Variants in ZSWIM6 observed in about 807,000 individuals in gnomAD.
ZSWIM6 encodes the protein zinc finger SWIM domain-containing protein 6.
A neutral mutation model predicts 113.2 loss-of-function variants in ZSWIM6; 9 were observed. The observed-to-expected ratio is 0.08, with a 90% confidence interval of 0.05 to 0.14. The LOEUF is 0.14. Among genes scored for constraint, ZSWIM6 ranks in the 10% least tolerant of loss-of-function variants. The pLI is 1.00. For synonymous variants in ZSWIM6, 611 were observed against 606.5 expected, an observed-to-expected ratio of 1.01 and a Z score of -0.11; for missense variants, 1,162 against 1,552.2, an observed-to-expected ratio of 0.75 and a Z score of 4.22.
At chr5:61,442,868 ATTG>A (rs1223752957) in intron 1 of ZSWIM6, among the ~76,000 whole-genome samples, 1 of 152,248 alleles carries the variant, frequency 6.6e-6, no homozygotes, top group Non-Finnish European at 1.5e-5. Context: ...ACTCTACTCC[ATTG>A]TTTAAGGCTA....
At chr5:61,355,437 C>CAA (rs1366047953) in intron 1 of ZSWIM6, among the ~76,000 whole-genome samples, 546 of 5,084 alleles carry the variant, frequency 0.11, 4 homozygotes, top group Middle Eastern at 0.17. Context: ...TTAAAACACA[C>CAA]ACACACACAC....
At chr5:61,361,081 G>A (rs574672312) in intron 1 of ZSWIM6, among the ~76,000 whole-genome samples, 186 of 152,168 alleles carry the variant, frequency 1.2e-3, no homozygotes, top group Middle Eastern at 3.4e-3. Flanking sequence ...GGGGAGGGGG[G>A]TAAAGTCACA....
intron 5 of ZSWIM6, among the ~76,000 whole-genome samples, chr5:61,521,995 A>G (rs1229498780): frequency 6.6e-6 from 1 of 151,896 alleles, no homozygotes; most frequent in African/African-American, 2.4e-5. Flanking sequence ...CACCTGCTGT[A>G]GGCTAATAGT....
At chr5:61,333,423 C>T (rs1260440260) in intron 1 of ZSWIM6, among the ~76,000 whole-genome samples, 1 of 151,856 alleles carries the variant, frequency 6.6e-6, no homozygotes, top group African/African-American at 2.4e-5. Flanking sequence ...CTCCCACTGC[C>T]TGTCGCTCGC....
chr5:61,476,668 T>C (rs1490848731), intron 2 of ZSWIM6, among the ~76,000 whole-genome samples: 1 of 152,222 alleles, frequency 6.6e-6, no homozygotes, highest in East Asian at 1.9e-4. Flanking sequence ...AAAAAGAAGC[T>C]GGTATCTTTG....
At chr5:61,538,231 T>C (rs551727227) in intron 10 of ZSWIM6, among the ~76,000 whole-genome samples, 2 of 152,374 alleles carry the variant, frequency 1.3e-5, no homozygotes, top group East Asian at 3.9e-4. Flanking sequence ...TGGTAGAACA[T>C]AGTCTAATGT....
At chr5:61,346,373 T>A (rs1239643489) in intron 1 of ZSWIM6, among the ~76,000 whole-genome samples, 1 of 152,214 alleles carries the variant, frequency 6.6e-6, no homozygotes. Flanking sequence ...TTGAACTATA[T>A]CATAGTGTAA....
At chr5:61,521,870 C>T (rs761122684) in intron 5 of ZSWIM6, among the ~76,000 whole-genome samples, 10 of 152,074 alleles carry the variant, frequency 6.6e-5, no homozygotes, top group Non-Finnish European at 1.0e-4. Context: ...AATTTAGTCA[C>T]TTAATTCTTA....
intron 1 of ZSWIM6, among the ~76,000 whole-genome samples, chr5:61,361,804 G>T (rs1745036073): frequency 6.6e-6 from 1 of 152,168 alleles, no homozygotes; most frequent in African/African-American, 2.4e-5. Context: ...TTGCTCCCAG[G>T]TTATTAACTA....
chr5:61,544,187 G>A lies in ZSWIM6; in HGVS notation c.3518G>A (p.Ser1173Asn). 6.4e-7 allele frequency: 1 copy of A among 1,551,684 alleles called. No individual in the cohort carries two copies. Among genetic ancestry groups the A allele is most frequent in the South Asian group, 1.2e-5 (1 of 84,066 alleles). ...RHYSEFIEFL[S>N]KARETFLMAH... Reference sequence around the variant, plus strand: ...TATAGTGAGTTTATAGAGTTCCTCAGCAAAGCCCGAGAGACCTTCTTAATG... The same window carrying A: ...TATAGTGAGTTTATAGAGTTCCTCAACAAAGCCCGAGAGACCTTCTTAATG... The change falls in exon 14 of 14, where the codon AGC (serine) becomes AAC (asparagine). Residue 1173 changes from serine (S) to asparagine (N), a missense_variant. Ser to Asn is a conservative substitution (Grantham distance 46). Around this residue, in one of 4 missense-constraint regions of ZSWIM6, gnomAD observed 113 missense variants for 213.8 expected, o/e 0.53. Transcript: ENST00000252744.
intron 1 of ZSWIM6, among the ~76,000 whole-genome samples, chr5:61,441,680 C>T (rs1746837325): frequency 6.6e-6 from 1 of 152,092 alleles, no homozygotes; most frequent in South Asian, 2.1e-4. Flanking sequence ...TCTGTGACTG[C>T]CCAGGCTTAT....
At chr5:61,409,628 A>G (rs987875479) in intron 1 of ZSWIM6, among the ~76,000 whole-genome samples, 1 of 152,146 alleles carries the variant, frequency 6.6e-6, no homozygotes, top group Non-Finnish European at 1.5e-5. Flanking sequence ...AAACATTTGT[A>G]TTTCTTGACT....
rs375375659 is a variant in ZSWIM6 at position 61,467,219 on chromosome 5, G to A, written c.677-5462G>A. 3.9e-5 allele frequency among the ~76,000 whole-genome samples: 6 copies of A among 152,080 alleles called. No individual in the cohort carries two copies. The East Asian group carries it at 1.2e-3, about 29-fold the overall frequency. On this transcript the variant is annotated intron_variant, in intron 1 of 13. Coordinates refer to ENST00000252744, the MANE Select transcript of ZSWIM6 (RefSeq NM_020928.2). ...ATATCTAGTGATATTTACTATGTTT[G>A]AAATTAAAAAGAAAAAAATATCTAT...
chr5:61,332,955 C>A lies in ZSWIM6; in HGVS notation c.676+7C>A, dbSNP rs967008870. The A allele has an allele frequency of 1.5e-6, 2 of 1,312,418 alleles. No individual in the cohort carries two copies. The highest frequency in any genetic ancestry group is 3.5e-5 in the South Asian group (2 of 57,462). The allele number at this position is 1,312,418 out of a possible 1,614,324, so 81.3% of individuals were successfully genotyped here. On this transcript the variant is annotated splice_region_variant and intron_variant, in intron 1 of 13. Coordinates refer to ENST00000252744, the MANE Select transcript of ZSWIM6 (RefSeq NM_020928.2). ...GACAACGTCCTGCAAGTCGGTGAGT[C>A]ACGGGGCAGCCGCGAGCCGTCTGTC...
At chr5:61,342,322 C>T (rs1339793517) in intron 1 of ZSWIM6, among the ~76,000 whole-genome samples, 1 of 152,160 alleles carries the variant, frequency 6.6e-6, no homozygotes, top group African/African-American at 2.4e-5. Flanking sequence ...AACCAGGTGC[C>T]AAATACTGCC....
intron 1 of ZSWIM6, among the ~76,000 whole-genome samples, chr5:61,388,715 A>G (rs951753753): frequency 3.9e-5 from 6 of 152,222 alleles, no homozygotes; most frequent in Non-Finnish European, 5.9e-5. Flanking sequence ...AAAAATATCT[A>G]TACTCTTAAC....
rs115259527 is a variant in ZSWIM6, at chr5:61,441,230, A to T, written c.677-31451A>T. ...GTGGGTCAAAGTTCGAAGTTGATAG[A>T]CTTGATAGCTTTTCCTTTTTTTCTC... On this transcript the variant is annotated intron_variant, in intron 1 of 13. Transcript: ENST00000252744. 6.7e-3 allele frequency among the ~76,000 whole-genome samples: 1,015 copies of T among 152,264 alleles called. 4 individuals carry two copies. Among genetic ancestry groups the T allele is most frequent in the South Asian group, 0.021 (101 of 4,830 alleles).
intron 2 of ZSWIM6, among the ~76,000 whole-genome samples, chr5:61,475,824 A>G (rs1747697289): frequency 6.6e-6 from 1 of 152,190 alleles, no homozygotes; most frequent in African/African-American, 2.4e-5. Flanking sequence ...TTACTTGACA[A>G]CATGATCCCA....
At chr5:61,353,517 A>G (rs1175527772) in intron 1 of ZSWIM6, among the ~76,000 whole-genome samples, 1 of 152,206 alleles carries the variant, frequency 6.6e-6, no homozygotes, top group Non-Finnish European at 1.5e-5. Flanking sequence ...CACATGTGTC[A>G]TTCACAGTCC....
Sources: allele counts gnomAD v4.1 joint callset (sites outside exome capture counted in the v4.1 genomes callset), GRCh38; gene constraint gnomAD v4.1.1; regional missense constraint gnomAD v4.1.1; transcripts MANE v1.5; gene names NCBI Gene and HGNC (gene_info 2026-07-23, HGNC 2026-07-21).